The following EPG5 variants were observed in gnomAD, a reference collection of about 807,000 sequenced individuals.
EPG5 encodes ectopic P-granules 5 autophagy tethering factor.
EPG5 carries 159 observed loss-of-function variants against 302.7 expected under a neutral mutation model. That is an observed-to-expected ratio of 0.53 (90% confidence interval 0.46 to 0.60). The LOEUF is 0.60. EPG5 is among the 20% of genes least tolerant of loss of function. The pLI is 0.00. For missense variants in EPG5, 2,896 were observed against 3,092.4 expected (o/e 0.94, Z 1.51); for synonymous variants, 1,158 against 1,136.8 (o/e 1.02, Z -0.37).
chr18:45,955,578 GAA>G (rs2051010305), intron 1 of EPG5, among the ~76,000 whole-genome samples: 1 of 152,120 alleles, frequency 6.6e-6, no homozygotes, highest in African/African-American at 2.4e-5. Flanking sequence ...GATCCTAATA[GAA>G]AAAGACATCA....
At chr18:45,888,199 G>A (rs1319663479) in intron 28 of EPG5, among the ~76,000 whole-genome samples, 2 of 151,486 alleles carry the variant, frequency 1.3e-5, no homozygotes, top group East Asian at 1.9e-4. Context: ...TTCGCCTCCC[G>A]AGTTCAAGTG....
At chr18:45,866,020 A>G (rs1017241042) in intron 38 of EPG5, among the ~76,000 whole-genome samples, 13 of 152,126 alleles carry the variant, frequency 8.5e-5, no homozygotes, top group Admixed American at 2.0e-4. Flanking sequence ...GAATAACAAC[A>G]TTAACCAAAC....
At chr18:45,852,704 G>A in intron 43 of EPG5, 55 bp from the exon 44 acceptor site, 1 of 1,464,574 alleles carries the variant, frequency 6.8e-7, no homozygotes, top group East Asian at 2.3e-5. Flanking sequence ...TAATGTGACT[G>A]CCAGAGGTAC....
At chr18:45,819,987 AAATATGTATTTGCCCAAAGT>A in the EPG5 span, among the ~76,000 whole-genome samples, 3 of 152,256 alleles carry the variant, frequency 2.0e-5, no homozygotes, top group South Asian at 6.2e-4. Context: ...ACAGGAAATA[AAATATGTATTTGCCCAAAGT>A]CATCCTGTTG....
In EPG5 at chr18:45,912,388, G is replaced by T; in HGVS notation, c.3885C>A (p.Ala1295=). ...SLQRLLIYRW[A]HQALVTPSDH... ...CAGAAGGTGTGACCAGAGCCTGGTGGGCCCAGCGATAAATCAGCAGCCTCT... is the reference window on the plus strand; with the variant it reads ...CAGAAGGTGTGACCAGAGCCTGGTGTGCCCAGCGATAAATCAGCAGCCTCT... The change falls in exon 22 of 44, where the codon GCC becomes GCA. Residue 1295 remains alanine, a synonymous_variant. Transcript: ENST00000282041. 6.2e-7 allele frequency: 1 copy of T among 1,611,300 alleles called. No individual in the cohort carries two copies. The highest frequency in any genetic ancestry group is 8.5e-7 in the Non-Finnish European group (1 of 1,179,076).
At chr18:45,953,136 G>A (rs192332462) in intron 2 of EPG5, 1 of 271,864 alleles carries the variant, frequency 3.7e-6, no homozygotes, top group African/African-American at 2.3e-5. Context: ...TTACGCCACT[G>A]CACTCCAGCC....
chr18:45,911,661 T>C (rs2049905667), intron 22 of EPG5, among the ~76,000 whole-genome samples: 1 of 152,154 alleles, frequency 6.6e-6, no homozygotes, highest in South Asian at 2.1e-4. Context: ...TGTCTCGAAC[T>C]CTTGACCTCA....
At chr18:45,840,463 C>T in the EPG5 span, among the ~76,000 whole-genome samples, 2 of 152,222 alleles carry the variant, frequency 1.3e-5, no homozygotes, top group Non-Finnish European at 2.9e-5. Context: ...TCCTCCCCCA[C>T]GACTCCAGGC....
At chr18:45,873,728 T>C (rs920809060) in intron 35 of EPG5, among the ~76,000 whole-genome samples, 2 of 152,072 alleles carry the variant, frequency 1.3e-5, no homozygotes, top group African/African-American at 4.8e-5. Context: ...CCTAGTTTTG[T>C]AGGGAGCAAA....
chr18:45,865,765 C>T lies in EPG5; in HGVS notation c.6622-6G>A. ...TGGCATTTTGGAACTGCATCCTGAC[C>T]AAAAAAAAAAAAAAAAATCATTCAA... On this transcript the variant is annotated splice_region_variant and splice_polypyrimidine_tract_variant and intron_variant, in intron 38 of 43. Coordinates refer to ENST00000282041, the MANE Select transcript of EPG5 (RefSeq NM_020964.3). 1 of 1,410,212 alleles carries T rather than the reference C, an allele frequency of 7.1e-7. No individual in the cohort carries two copies. The highest frequency in any genetic ancestry group is 9.3e-7 in the Non-Finnish European group (1 of 1,074,446). 87.4% of individuals were successfully genotyped at this position (1,410,212 alleles called of 1,614,324 possible).
chr18:45,944,714 C>A (rs537337745), intron 7 of EPG5, among the ~76,000 whole-genome samples: 1 of 152,136 alleles, frequency 6.6e-6, no homozygotes, highest in African/African-American at 2.4e-5. Flanking sequence ...GAGATCACAC[C>A]ATTGCACTCC....
chr18:45,914,109 G>A (rs1046134741), intron 20 of EPG5, among the ~76,000 whole-genome samples: 1 of 152,194 alleles, frequency 6.6e-6, no homozygotes, highest in Non-Finnish European at 1.5e-5. Flanking sequence ...CTGTGTGCAA[G>A]AGAGACAGGA....
In EPG5 at chr18:45,923,319, C is replaced by T. The variant is rs766478221; in HGVS notation, c.2787G>A (p.Lys929=). The T allele has an allele frequency of 1.2e-6, 2 of 1,614,020 alleles. No individual in the cohort carries two copies. The highest frequency in any genetic ancestry group is 2.2e-5 in the South Asian group (2 of 91,082). Residue 929 remains lysine, a synonymous_variant, in exon 15 of 44, where the codon AAG becomes AAA. Coordinates refer to ENST00000282041, the MANE Select transcript of EPG5 (RefSeq NM_020964.3). ...CAGCATATGGCTTCTGTGCAAGGTA[C>T]TTCTGATAAGCTTCAAGAACCATTA... ...VALMVLEAYQ[K]YLAQKPYAGI... is the part of the protein sequence containing the mutation.
chr18:45,825,632 C>T, the EPG5 span: 3 of 1,388,920 alleles, frequency 2.2e-6, no homozygotes, highest in African/African-American at 1.4e-5. Context: ...CCCTGCCCAC[C>T]CCCGCCCGCC....
the EPG5 span, chr18:45,825,845 T>G: frequency 6.3e-7 from 1 of 1,589,376 alleles, no homozygotes; most frequent in South Asian, 1.1e-5. Context: ...GCATCTTAGG[T>G]ACAGTCTCCC....
chr18:45,948,641 T>C, intron 5 of EPG5, 65 bp from the exon 6 acceptor site: 1 of 1,307,522 alleles, frequency 7.6e-7, no homozygotes. Flanking sequence ...ATAATCTTGG[T>C]TCACAAGCAT....
chr18:45,946,903 G>A, intron 6 of EPG5, 135 bp from the exon 7 acceptor site: 1 of 679,484 alleles, frequency 1.5e-6, no homozygotes, highest in Non-Finnish European at 2.5e-6. Context: ...AATAAGAACT[G>A]GCCAAAAACC....
the EPG5 span, chr18:45,829,210 G>A: frequency 1.1e-6 from 1 of 949,920 alleles, no homozygotes; most frequent in Non-Finnish European, 1.3e-6. Flanking sequence ...CCACGCCACA[G>A]TCAGCCTGCG....
intron 27 of EPG5, among the ~76,000 whole-genome samples, chr18:45,892,122 T>C (rs2049365195): frequency 1.3e-5 from 2 of 152,210 alleles, no homozygotes; most frequent in East Asian, 1.9e-4. Flanking sequence ...AAAACTACTC[T>C]GTAATCCAAA....
Sources: allele counts gnomAD v4.1 joint callset (sites outside exome capture counted in the v4.1 genomes callset), GRCh38; gene constraint gnomAD v4.1.1; transcripts MANE v1.5; gene names NCBI Gene and HGNC (gene_info 2026-07-23, HGNC 2026-07-21).